The following ANKS1B variants were observed in gnomAD, a reference collection of about 807,000 sequenced individuals.
The protein encoded by ANKS1B is ankyrin repeat and sterile alpha motif domain-containing protein 1B.
A neutral mutation model predicts 148.3 loss-of-function variants in ANKS1B; 36 were observed. The ratio of observed to expected loss-of-function variants is 0.24; its 90% confidence interval spans 0.19 to 0.32. The LOEUF is 0.32. Ranked by LOEUF, ANKS1B falls within the 10% of genes least tolerant of loss-of-function variation. The pLI is 1.00. For missense variants in ANKS1B, 1,157 were observed against 1,542.6 expected (o/e 0.75, Z 4.19); for synonymous variants, 542 against 560.8 (o/e 0.97, Z 0.47).
At chr12:99,712,587 C>T (rs1210131439) in intron 8 of ANKS1B, among the ~76,000 whole-genome samples, 1 of 152,166 alleles carries the variant, frequency 6.6e-6, no homozygotes. Flanking sequence ...AAGTCCCAAA[C>T]CTTATCATCT....
At chr12:99,813,209 A>C (rs1456150349) in intron 2 of ANKS1B, among the ~76,000 whole-genome samples, 1 of 151,684 alleles carries the variant, frequency 6.6e-6, no homozygotes, top group African/African-American at 2.4e-5. Context: ...CCTGACCTGC[A>C]TTACTCAACC....
intron 1 of ANKS1B, among the ~76,000 whole-genome samples, chr12:99,866,860 C>A (rs1310955582): frequency 8.5e-5 from 13 of 152,170 alleles, no homozygotes; most frequent in Admixed American, 8.5e-4. Context: ...GGGAATAGGT[C>A]TCCCTAGGCC....
chr12:99,969,244 T>G (rs1006516797), intron 1 of ANKS1B, among the ~76,000 whole-genome samples: 2 of 152,172 alleles, frequency 1.3e-5, no homozygotes, highest in Non-Finnish European at 2.9e-5. Flanking sequence ...AGTGGCATGA[T>G]CATAGCTCAC....
At chr12:99,564,061 T>C (rs2097364141) in intron 9 of ANKS1B, among the ~76,000 whole-genome samples, 1 of 152,164 alleles carries the variant, frequency 6.6e-6, no homozygotes, top group African/African-American at 2.4e-5. Context: ...AGATGAAAAT[T>C]TGGATTGTAC....
chr12:99,696,995 T>C (rs564794213), intron 8 of ANKS1B, among the ~76,000 whole-genome samples: 1 of 152,294 alleles, frequency 6.6e-6, no homozygotes, highest in African/African-American at 2.4e-5. Flanking sequence ...ATACCATATG[T>C]CACTAGAGAA....
chr12:99,808,167 G>A (rs930344927), intron 3 of ANKS1B, among the ~76,000 whole-genome samples: 10 of 152,070 alleles, frequency 6.6e-5, no homozygotes, highest in African/African-American at 2.2e-4. Flanking sequence ...AATACCAACC[G>A]AGAATAGGGA....
intron 17 of ANKS1B, among the ~76,000 whole-genome samples, chr12:98,983,458 T>C (rs2153232368): frequency 6.6e-6 from 1 of 152,304 alleles, no homozygotes; most frequent in East Asian, 1.9e-4. Context: ...TATAAAGAGC[T>C]AATGTGATTA....
At chr12:99,129,740 G>A (rs2065550060) in intron 15 of ANKS1B, among the ~76,000 whole-genome samples, 1 of 152,126 alleles carries the variant, frequency 6.6e-6, no homozygotes, top group African/African-American at 2.4e-5. Flanking sequence ...AATACTGCCT[G>A]GATAAATAGG....
intron 17 of ANKS1B, among the ~76,000 whole-genome samples, chr12:98,892,729 C>G (rs1477844331): frequency 1.3e-5 from 2 of 152,186 alleles, no homozygotes; most frequent in Non-Finnish European, 2.9e-5. Flanking sequence ...TTAAATAATA[C>G]ACCATGCTGT....
intron 17 of ANKS1B, among the ~76,000 whole-genome samples, chr12:99,018,266 C>T (rs1000725628): frequency 6.6e-6 from 1 of 152,164 alleles, no homozygotes; most frequent in African/African-American, 2.4e-5. Flanking sequence ...CTAAAAGAGG[C>T]CCAAGGGAGC....
chr12:99,949,467 C>T (rs2095157676), intron 1 of ANKS1B, among the ~76,000 whole-genome samples: 1 of 152,072 alleles, frequency 6.6e-6, no homozygotes, highest in Non-Finnish European at 1.5e-5. Flanking sequence ...ATTGGATGCA[C>T]ATTCTGGAAG....
chr12:99,079,283 T>C (rs2048869375), intron 16 of ANKS1B, among the ~76,000 whole-genome samples: 1 of 152,176 alleles, frequency 6.6e-6, no homozygotes, highest in Non-Finnish European at 1.5e-5. Context: ...ATATAAATCA[T>C]CTATTGGAAT....
At chr12:99,329,355 T>G (rs1226358610) in intron 12 of ANKS1B, among the ~76,000 whole-genome samples, 2 of 151,984 alleles carry the variant, frequency 1.3e-5, no homozygotes, top group African/African-American at 4.8e-5. Context: ...TTTGTGCCTG[T>G]ACATTTTGAT....
At chr12:99,569,121 A>T (rs569408890) in intron 9 of ANKS1B, among the ~76,000 whole-genome samples, 59 of 152,368 alleles carry the variant, frequency 3.9e-4, no homozygotes, top group African/African-American at 1.4e-3. Flanking sequence ...GAGTGGTTCC[A>T]CTTGAAATGT....
In ANKS1B at chr12:99,060,700, C is replaced by CATAT. The variant is rs71081895; in HGVS notation, c.2626-7395_2626-7392dup. ...ACACACACACACACACACACACACA[C>CATAT]ATATATATAGAGAGAGAGAGCCTGT... On this transcript the variant is annotated intron_variant, in intron 16 of 26. Coordinates refer to ENST00000683438, the MANE Select transcript of ANKS1B (RefSeq NM_001352186.2). Among the ~76,000 whole-genome samples, 16 of 51,042 alleles carry CATAT rather than the reference C, an allele frequency of 3.1e-4. 1 individual carries two copies. Among genetic ancestry groups the CATAT allele is most frequent in the Admixed American group, 3.1e-3 (13 of 4,158 alleles). The allele number at this position is 51,042 out of a possible 152,430, so 33.5% of individuals were successfully genotyped here. A position where few individuals can be genotyped will look rare whatever the true frequency, so the allele number is the denominator to read the frequency against.
chr12:98,745,048 T>G lies in ANKS1B; in HGVS notation c.*691A>C. 3 of 985,180 alleles carry G rather than the reference T, an allele frequency of 3.0e-6. No homozygotes were observed. The highest frequency in any genetic ancestry group is 3.6e-6 in the Non-Finnish European group (3 of 829,332). The allele number at this position is 985,180 out of a possible 1,614,324, so 61.0% of individuals were successfully genotyped here. A position where few individuals can be genotyped will look rare whatever the true frequency, so the allele number is the denominator to read the frequency against. On this transcript the variant is annotated 3_prime_UTR_variant, in exon 27 of 27. Transcript: ENST00000683438. ...TGAAACATTCTTTTAATAAAAATAT[T>G]TAATACAAGACACATTTTGCTGTGC...
At chr12:99,743,020 A>G (rs943984927) in intron 8 of ANKS1B, among the ~76,000 whole-genome samples, 1 of 152,180 alleles carries the variant, frequency 6.6e-6, no homozygotes, top group Non-Finnish European at 1.5e-5. Context: ...ATAACAAATT[A>G]TTTTGACCTC....
chr12:99,180,769 C>T (rs7969596), intron 14 of ANKS1B, among the ~76,000 whole-genome samples: 22,242 of 151,840 alleles, frequency 0.15, 4,446 homozygotes, highest in African/African-American at 0.45. Context: ...CAAAGCATGG[C>T]CTCTTGGTTT....
intron 9 of ANKS1B, among the ~76,000 whole-genome samples, chr12:99,628,128 A>C (rs916771025): frequency 2.0e-5 from 3 of 152,150 alleles, no homozygotes; most frequent in African/African-American, 4.8e-5. Context: ...ACAAACCTGC[A>C]CAGAATGTTA....
Sources: allele counts gnomAD v4.1 joint callset (sites outside exome capture counted in the v4.1 genomes callset), GRCh38; gene constraint gnomAD v4.1.1; transcripts MANE v1.5; gene names NCBI Gene and HGNC (gene_info 2026-07-23, HGNC 2026-07-21).